ANXA10: variants seen among roughly 807,000 people sequenced by gnomAD.
The protein encoded by ANXA10 is annexin A10, also known as annexin 14.
In ANXA10, 49 loss-of-function variants were observed where a neutral mutation model predicts 53.5. The ratio of observed to expected loss-of-function variants is 0.92; its 90% CI spans 0.73 to 1.16. ANXA10 has a LOEUF of 1.16. Among genes scored for constraint, ANXA10 ranks in the 50% most tolerant of loss-of-function variants. ANXA10 has a pLI of 0.00. For synonymous variants in ANXA10, 131 were observed against 128.9 expected (o/e 1.02, Z -0.11); for missense variants, 393 against 394.4 (o/e 1.00, Z 0.03).
intron 1 of ANXA10, among the ~76,000 whole-genome samples, chr4:168,098,043 A>G (rs1730579630): frequency 6.6e-6 from 1 of 151,984 alleles, no homozygotes; most frequent in Non-Finnish European, 1.5e-5. Context: ...TTTTGACATT[A>G]TGCTTATACC....
intron 6 of ANXA10, among the ~76,000 whole-genome samples, chr4:168,173,484 T>C (rs751810196): frequency 1.3e-5 from 2 of 152,154 alleles, no homozygotes; most frequent in African/African-American, 4.8e-5. Context: ...AGCTGCTATA[T>C]TGAGAAAAGA....
At chr4:168,178,117 A>C (rs1465321407) in intron 8 of ANXA10, 134 bp downstream of exon 8, 5 of 743,798 alleles carry the variant, frequency 6.7e-6, no homozygotes, top group Admixed American at 5.7e-5. Context: ...ACTTATTTTG[A>C]ATTTTGTTTA....
At chr4:168,099,661 G>C (rs1346316005) in intron 1 of ANXA10, among the ~76,000 whole-genome samples, 1 of 152,058 alleles carries the variant, frequency 6.6e-6, no homozygotes, top group African/African-American at 2.4e-5. Flanking sequence ...TTTCATTCTA[G>C]ATATTGTGAA....
At chr4:168,187,269 T>C (rs1447498111) in intron 11 of ANXA10, 97 bp from the exon 12 acceptor site, 2 of 692,230 alleles carry the variant, frequency 2.9e-6, no homozygotes, top group Non-Finnish European at 4.5e-6. Flanking sequence ...AGGCTAATGG[T>C]CCATGGCTCT....
chr4:168,110,712 G>T (rs1730794686), intron 1 of ANXA10, among the ~76,000 whole-genome samples: 1 of 151,962 alleles, frequency 6.6e-6, no homozygotes, highest in Admixed American at 6.6e-5. Context: ...CCCAGGCCAG[G>T]TTTTGTCTAG....
At chr4:168,153,448 CA>C (rs1731538010) in intron 3 of ANXA10, among the ~76,000 whole-genome samples, 1 of 38,426 alleles carries the variant, frequency 2.6e-5, no homozygotes. Flanking sequence ...AAAACAAAAA[CA>C]AAAACAAAAC....
intron 2 of ANXA10, among the ~76,000 whole-genome samples, chr4:168,138,120 C>G (rs1731269550): frequency 6.6e-6 from 1 of 151,964 alleles, no homozygotes; most frequent in South Asian, 2.1e-4. Context: ...CGCCACCACA[C>G]CCGGCTAATT....
rs1732392627 is a variant in ANXA10, at chr4:168,187,436, A to T, written c.*2A>T. On this transcript the variant is annotated 3_prime_UTR_variant, in exon 12 of 12. Transcript: ENST00000359299. ...GCTGGTGATGCTGAGGACTACTAAA[A>T]TGAAGAGGACTTGGAGTACTGTGCA... 1 of 1,580,366 alleles carries T rather than the reference A, an allele frequency of 6.3e-7. No homozygotes were observed. Among genetic ancestry groups the T allele is most frequent in the African/African-American group, 1.3e-5 (1 of 74,126 alleles).
At chr4:168,176,999 CA>C (rs1297061368) in intron 6 of ANXA10, among the ~76,000 whole-genome samples, 1 of 151,808 alleles carries the variant, frequency 6.6e-6, no homozygotes, top group Admixed American at 6.6e-5. Flanking sequence ...GGCCCTGTCT[CA>C]AAAAAAGAAA....
chr4:168,129,774 TTTACTCA>T (rs1318006452), intron 2 of ANXA10, among the ~76,000 whole-genome samples: 10 of 152,296 alleles, frequency 6.6e-5, no homozygotes, highest in African/African-American at 2.2e-4. Flanking sequence ...TGTATAAAAA[TTTACTCA>T]TCATCTATAA....
At chr4:168,153,858 A>C (rs1049371137) in intron 3 of ANXA10, among the ~76,000 whole-genome samples, 30 of 152,210 alleles carry the variant, frequency 2.0e-4, no homozygotes, top group Admixed American at 4.6e-4. Flanking sequence ...TCAAGCCTAA[A>C]AACCCTACCT....
At position 168,155,773 on chromosome 4, in the gene ANXA10, C is replaced by G. The variant is rs370036627; in HGVS notation, c.196-6755C>G. ...ATATATTATATAATATATGATATAT[C>G]ATATATTATATATTATATATAATAT... On this transcript the variant is annotated intron_variant, in intron 3 of 11. Transcript: ENST00000359299. Among the ~76,000 whole-genome samples the G allele has an allele frequency of 7.3e-4, 17 of 23,436 alleles. 1 individual carries two copies. The highest frequency in any genetic ancestry group is 7.0e-3 in the East Asian group (3 of 428). 15.4% of individuals were successfully genotyped at this position (23,436 alleles called of 152,430 possible). A position where few individuals can be genotyped will look rare whatever the true frequency, so the allele number is the denominator to read the frequency against.
intron 2 of ANXA10, among the ~76,000 whole-genome samples, chr4:168,133,725 A>C (rs1295850617): frequency 6.6e-6 from 1 of 152,046 alleles, no homozygotes; most frequent in Non-Finnish European, 1.5e-5. Flanking sequence ...CAGAAACCTA[A>C]CCCTGCATTT....
At chr4:168,137,092 G>A (rs545713579) in intron 2 of ANXA10, among the ~76,000 whole-genome samples, 4 of 152,292 alleles carry the variant, frequency 2.6e-5, no homozygotes, top group African/African-American at 4.8e-5. Flanking sequence ...GATGCAGAGA[G>A]CAGTGTCCCA....
intron 3 of ANXA10, among the ~76,000 whole-genome samples, chr4:168,144,249 C>G (rs531549935): frequency 6.6e-6 from 1 of 152,104 alleles, no homozygotes; most frequent in African/African-American, 2.4e-5. Flanking sequence ...TGCACTGCCG[C>G]GCTCTCAGCT....
At chr4:168,155,837 AT>A (rs1236922227) in intron 3 of ANXA10, among the ~76,000 whole-genome samples, 9 of 18,318 alleles carry the variant, frequency 4.9e-4, no homozygotes, top group African/African-American at 2.2e-3. Flanking sequence ...ATGATATATC[AT>A]ATATAATATA....
At chr4:168,098,767 A>AT (rs1445348153) in intron 1 of ANXA10, among the ~76,000 whole-genome samples, 1 of 152,000 alleles carries the variant, frequency 6.6e-6, no homozygotes, top group Non-Finnish European at 1.5e-5. Context: ...TCCTCTAGAC[A>AT]TTCTGGGTAA....
intron 3 of ANXA10, among the ~76,000 whole-genome samples, chr4:168,148,704 ATTC>A (rs1296696754): frequency 2.0e-5 from 3 of 151,862 alleles, no homozygotes; most frequent in African/African-American, 7.3e-5. Context: ...TTTATTTGTG[ATTC>A]TTAATTTATT....
chr4:168,119,356 A>C (rs547983978), intron 1 of ANXA10, among the ~76,000 whole-genome samples: 1 of 152,298 alleles, frequency 6.6e-6, no homozygotes, highest in African/African-American at 2.4e-5. Context: ...GGAATTACCA[A>C]AATGATTGCA....
Sources: allele counts gnomAD v4.1 joint callset (sites outside exome capture counted in the v4.1 genomes callset), GRCh38; gene constraint gnomAD v4.1.1; transcripts MANE v1.5; gene names NCBI Gene and HGNC (gene_info 2026-07-23, HGNC 2026-07-21).